Variants in BRSK2 observed in about 807,000 individuals in gnomAD.
BRSK2 encodes serine/threonine-protein kinase BRSK2.
BRSK2 carries 19 observed loss-of-function variants against 83.3 expected under a neutral mutation model. That is an observed-to-expected ratio of 0.23 (90% confidence interval 0.16 to 0.33). The LOEUF (loss-of-function observed/expected upper bound fraction) is 0.33. BRSK2 is among the 10% of genes least tolerant of loss of function. The pLI is 1.00. For synonymous variants in BRSK2, 519 were observed against 435.4 expected, an observed-to-expected ratio of 1.19 and a Z score of -2.39; for missense variants, 798 against 1,042.3, an observed-to-expected ratio of 0.77 and a Z score of 3.23.
chr11:1,402,910 T>TG lies in BRSK2; in HGVS notation c.91+12536dup, dbSNP rs1358514696. Among the ~76,000 whole-genome samples, 18 of 152,120 alleles carry TG rather than the reference T, an allele frequency of 1.2e-4. No individual in the cohort carries two copies. In the East Asian group the frequency reaches 2.9e-3, roughly 25 times the overall value. ...GGCTCGGATCTGCTTGGAGGTTTGT[T>TG]GACCCTAAACCCCAAATCCCCGGGG... On this transcript the variant is annotated intron_variant, in intron 1 of 19. Transcript: ENST00000528841.
chr11:1,452,523 G>T (rs1169522544), intron 15 of BRSK2, among the ~76,000 whole-genome samples: 2 of 152,224 alleles, frequency 1.3e-5, no homozygotes, highest in Admixed American at 6.5e-5. Context: ...CACTGTGGCT[G>T]CCTGCGCTTC....
At chr11:1,451,067 C>G (rs530051462) in intron 14 of BRSK2, among the ~76,000 whole-genome samples, 3 of 152,236 alleles carry the variant, frequency 2.0e-5, no homozygotes, top group Admixed American at 6.5e-5. Context: ...AGCTGGCCAC[C>G]GAGGGGGCAC....
chr11:1,445,334 C>A lies in BRSK2; in HGVS notation c.853C>A (p.Arg285Ser). 6.2e-7 allele frequency: 1 copy of A among 1,611,420 alleles called. No homozygotes were observed. The highest frequency in any genetic ancestry group is 8.5e-7 in the Non-Finnish European group (1 of 1,179,316). ...GCCCGAACCAGAGCAGCCCATTCCT[C>A]GCAAGGTGCAGATCCGCTCGCTGCC... ...NEPEPEQPIPRKVQIRSLPSL... is the reference protein window; with the variant it reads ...NEPEPEQPIPSKVQIRSLPSL... Residue 285 changes from arginine (R) to serine (S), a missense_variant, in exon 10 of 20, where the codon CGC becomes AGC. By Grantham distance (110) the Arg-to-Ser change is moderately radical. This residue lies in a region of BRSK2 where 145 missense variants were observed against 225.4 expected (regional missense o/e 0.64). Transcript: ENST00000528841.
chr11:1,454,486 C>A lies in BRSK2; in HGVS notation c.1546C>A (p.Leu516Met), dbSNP rs1356947195. 1 of 1,612,988 alleles carries A rather than the reference C, an allele frequency of 6.2e-7. No homozygotes were observed. Among genetic ancestry groups the A allele is most frequent in the Non-Finnish European group, 8.5e-7 (1 of 1,179,842 alleles). ...SNLTPESSPE[L>M]AKKSWFGNFI... ...CAGCCTCTGTCTCCCACTGCCCAGGCTGGCGAAGAAGTCCTGGTTTGGGAA... is the reference window on the plus strand; with the variant it reads ...CAGCCTCTGTCTCCCACTGCCCAGGATGGCGAAGAAGTCCTGGTTTGGGAA... Residue 516 changes from leucine (L) to methionine (M), a missense_variant and splice_region_variant, in exon 16 of 20, where the codon CTG (leucine) becomes ATG (methionine). This residue lies in a region of BRSK2 where 455 missense variants were observed against 455.2 expected (regional missense o/e 1.00). Transcript: ENST00000528841. This position sits in a 1 kb window ranked among gnomAD's most constrained non-coding sequence, Gnocchi z 5.2.
Position 1,443,515 on chromosome 11 carries a change from C to T in BRSK2, c.660C>T (p.Asn220=). 1.2e-6 allele frequency: 2 copies of T among 1,605,912 alleles called. No homozygotes were observed. The highest frequency in any genetic ancestry group is 1.7e-6 in the Non-Finnish European group (2 of 1,176,500). ...LVGALPFDDD[N]LRQLLEKVKR... is the part of the protein sequence containing the mutation. The stretch of plus-strand genomic sequence containing the variant: ...GGGCTCTGCCCTTCGACGATGACAA[C>T]TTGCGACAGCTGCTGGAGAAGGTGA... The change falls in exon 8 of 20, where the codon AAC becomes AAT. Residue 220 remains asparagine (N), a synonymous_variant. Coordinates refer to ENST00000528841, the MANE Select transcript of BRSK2 (RefSeq NM_001256627.2).
Position 1,454,676 on chromosome 11 carries a change from C to G in BRSK2, c.1668+68C>G. On this transcript the variant is annotated intron_variant, in intron 16 of 19. Transcript: ENST00000528841. The surrounding 1 kb of genome is among the most constrained non-coding windows in gnomAD (Gnocchi z 5.2). ...CCCCACACGGCCCAGCCCCGAGAAT[C>G]CAGCCTCCTCACGTAGACAGGACAT... is the stretch of plus-strand genomic sequence containing the variant. 6.3e-7 allele frequency: 1 copy of G among 1,582,504 alleles called. No individual in the cohort carries two copies. The highest frequency in any genetic ancestry group is 8.6e-7 in the Non-Finnish European group (1 of 1,160,892).
chr11:1,443,200 G>A, intron 6 of BRSK2, 61 bp downstream of exon 6: 1 of 1,526,488 alleles, frequency 6.6e-7, no homozygotes, highest in Non-Finnish European at 8.8e-7. Context: ...CCTGACCCTG[G>A]TGGGACCCCA....
intron 5 of BRSK2, 47 bp downstream of exon 5, chr11:1,442,653 T>A: frequency 6.6e-7 from 1 of 1,503,784 alleles, no homozygotes; most frequent in Non-Finnish European, 9.2e-7. Flanking sequence ...CAGGCTGGGC[T>A]GGGGGAAGAG....
chr11:1,390,722 G>C lies in BRSK2; in HGVS notation c.91+347G>C, dbSNP rs1350321060. On this transcript the variant is annotated intron_variant, in intron 1 of 19. Coordinates refer to ENST00000528841, the MANE Select transcript of BRSK2 (RefSeq NM_001256627.2). The surrounding 1 kb of genome is among the most constrained non-coding windows in gnomAD (Gnocchi z 6.8). ...CCAGCGACCGGGCCCATTGTGCCGC[G>C]GGAGGAGGGGGCCGCGCGGGCGCCC... Among the ~76,000 whole-genome samples, 1 of 151,140 alleles carries C rather than the reference G, an allele frequency of 6.6e-6. No homozygotes were observed. The highest frequency in any genetic ancestry group is 1.5e-5 in the Non-Finnish European group (1 of 67,758).
In BRSK2 at chr11:1,435,551, G is replaced by A. The variant is rs535535561; in HGVS notation, c.92-489G>A. ...GAGGAGGGGTGCCGGTGGGGGTCTCGGCGGAGGAGGGGTGCCGGTGGGGGT... is the reference window on the plus strand; with the variant it reads ...GAGGAGGGGTGCCGGTGGGGGTCTCAGCGGAGGAGGGGTGCCGGTGGGGGT... On this transcript the variant is annotated intron_variant, in intron 1 of 19. Transcript: ENST00000528841. 3.4e-3 allele frequency among the ~76,000 whole-genome samples: 191 copies of A among 56,158 alleles called. 4 individuals carry two copies. The highest frequency in any genetic ancestry group is 0.016 in the South Asian group (17 of 1,060). 36.8% of individuals were successfully genotyped at this position (56,158 alleles called of 152,430 possible).
At chr11:1,407,092 C>A (rs1846932603) in intron 1 of BRSK2, among the ~76,000 whole-genome samples, 1 of 152,136 alleles carries the variant, frequency 6.6e-6, no homozygotes, top group Non-Finnish European at 1.5e-5. Flanking sequence ...ACTTGGTAGC[C>A]ATTCCCTGGG....
At chr11:1,404,232 G>A (rs551608102) in intron 1 of BRSK2, among the ~76,000 whole-genome samples, 3 of 152,288 alleles carry the variant, frequency 2.0e-5, no homozygotes, top group Non-Finnish European at 2.9e-5. Flanking sequence ...ATCTGGGTGC[G>A]CGGAGCTGTG....
chr11:1,460,323 G>C lies in BRSK2; in HGVS notation c.1988-177G>C, dbSNP rs997705297. On this transcript the variant is annotated intron_variant, in intron 19 of 19. Transcript: ENST00000528841. ...CTGCCCACCCTGCTTGCCGCCCACC[G>C]GTCCCCGCTCGGCCCCATCTCAGCC... is the stretch of plus-strand genomic sequence containing the variant. Among the ~76,000 whole-genome samples the C allele has an allele frequency of 2.6e-5, 4 of 151,440 alleles. 1 individual carries two copies. The highest frequency in any genetic ancestry group is 1.3e-4 in the Admixed American group (2 of 15,254).
chr11:1,395,780 G>A (rs539821764), intron 1 of BRSK2, among the ~76,000 whole-genome samples: 3 of 152,326 alleles, frequency 2.0e-5, no homozygotes, highest in Non-Finnish European at 2.9e-5. Flanking sequence ...GGATTTCCTG[G>A]ATGTGGAAGC....
chr11:1,454,667 C>T lies in BRSK2; in HGVS notation c.1668+59C>T, dbSNP rs1267017535. The T allele has an allele frequency of 1.3e-6, 2 of 1,595,338 alleles. No individual in the cohort carries two copies. Among genetic ancestry groups the T allele is most frequent in the African/African-American group, 1.3e-5 (1 of 74,500 alleles). ...CCCTCCCAACCCCACACGGCCCAGC[C>T]CCGAGAATCCAGCCTCCTCACGTAG... is the stretch of plus-strand genomic sequence containing the variant. On this transcript the variant is annotated intron_variant, in intron 16 of 19. Transcript: ENST00000528841. The surrounding 1 kb of genome is among the most constrained non-coding windows in gnomAD (Gnocchi z 5.2).
chr11:1,449,854 C>T lies in BRSK2; in HGVS notation c.1287+18C>T. On this transcript the variant is annotated intron_variant, in intron 13 of 19. Transcript: ENST00000528841. ...GCCCCCGGGTGAGTGACCCCCCGCC[C>T]CCACCCAGCTCGGATGCACAGAGGC... The T allele has an allele frequency of 1.9e-6, 3 of 1,595,606 alleles. No homozygotes were observed. The highest frequency in any genetic ancestry group is 2.2e-5 in the South Asian group (2 of 90,284).
chr11:1,455,930 GC>G (rs111757092), intron 16 of BRSK2, among the ~76,000 whole-genome samples: 21,963 of 151,876 alleles, frequency 0.14, 2,261 homozygotes, highest in East Asian at 0.28. Context: ...GGAGGGCACA[GC>G]CCCAGCCCCG....
chr11:1,436,013 C>T (rs770103957), intron 1 of BRSK2, 27 bp from the exon 2 acceptor site: 102 of 1,574,964 alleles, frequency 6.5e-5, no homozygotes, highest in Non-Finnish European at 3.5e-6. Context: ...CTGGGTGGGT[C>T]TGAGCGCGGC....
At chr11:1,394,574 T>C (rs1845940502) in intron 1 of BRSK2, among the ~76,000 whole-genome samples, 1 of 47,872 alleles carries the variant, frequency 2.1e-5, no homozygotes, top group Non-Finnish European at 4.1e-5. Flanking sequence ...GTCCTGGAGA[T>C]GGGCCATGGA....
Sources: allele counts gnomAD v4.1 joint callset (sites outside exome capture counted in the v4.1 genomes callset), GRCh38; gene constraint gnomAD v4.1.1; regional missense constraint gnomAD v4.1.1; non-coding constraint Gnocchi (gnomAD v3.1); transcripts MANE v1.5; gene names NCBI Gene and HGNC (gene_info 2026-07-23, HGNC 2026-07-21).